MALT1: variants seen among roughly 807,000 people sequenced by gnomAD.
The protein encoded by MALT1 is MALT1 paracaspase.
MALT1 carries 36 observed loss-of-function variants against 85.5 expected under a neutral mutation model. That is an observed-to-expected ratio of 0.42 (90% CI 0.32 to 0.56). The LOEUF (loss-of-function observed/expected upper bound fraction) is 0.56, where lower values mean the gene tolerates loss of function less well. MALT1 is among the 20% of genes least tolerant of loss of function. The pLI is 0.10. For missense variants in MALT1, 716 were observed against 981.6 expected (o/e 0.73, Z 3.62); for synonymous variants, 359 against 361.3 (o/e 0.99, Z 0.07).
At chr18:58,723,348 A>G in intron 10 of MALT1, 97 bp downstream of exon 10, 1 of 847,620 alleles carries the variant, frequency 1.2e-6, no homozygotes, top group Non-Finnish European at 1.8e-6. Context: ...GATAAGGTAA[A>G]CATGTTGTTG....
intron 1 of MALT1, chr18:58,677,446 A>AT (rs1365189357): frequency 6.6e-6 from 1 of 152,148 alleles, no homozygotes; most frequent in East Asian, 1.9e-4. Flanking sequence ...CAGCATCCCT[A>AT]TTTTTACAAA....
intron 13 of MALT1, among the ~76,000 whole-genome samples, chr18:58,740,782 TATTA>T (rs911447370): frequency 5.9e-5 from 9 of 152,164 alleles, no homozygotes; most frequent in African/African-American, 2.2e-4. Context: ...AGGTTTGGCG[TATTA>T]ATTTTTATTG....
In MALT1 at chr18:58,747,764, T is replaced by C; in HGVS notation, c.2397T>C (p.Ser799=). The C allele has an allele frequency of 6.2e-7, 1 of 1,614,094 alleles. No individual in the cohort carries two copies. The highest frequency in any genetic ancestry group is 8.5e-7 in the Non-Finnish European group (1 of 1,179,930). Residue 799 remains serine, a synonymous_variant, in exon 17 of 17, where the codon AGT becomes AGC. Transcript: ENST00000649217. ...CTCACCATGCTTCATGTCATTTTAGTAGAAGTAATGTGCCAGTAGAGACAA... is the reference window on the plus strand; with the variant it reads ...CTCACCATGCTTCATGTCATTTTAGCAGAAGTAATGTGCCAGTAGAGACAA... ...SFAHHASCHF[S]RSNVPVETTD...
intron 2 of MALT1, among the ~76,000 whole-genome samples, chr18:58,695,107 T>C (rs1425351243): frequency 1.3e-5 from 2 of 152,252 alleles, no homozygotes; most frequent in Non-Finnish European, 2.9e-5. Context: ...TTCTCGTTTG[T>C]CTGCCGCCAT....
chr18:58,743,943 C>T (rs933491767), intron 14 of MALT1, among the ~76,000 whole-genome samples: 1 of 151,934 alleles, frequency 6.6e-6, no homozygotes, highest in African/African-American at 2.4e-5. Flanking sequence ...GATAGAAAAA[C>T]AATAAAACCC....
intron 4 of MALT1, among the ~76,000 whole-genome samples, chr18:58,703,788 AT>A (rs2054707827): frequency 1.3e-5 from 2 of 152,146 alleles, no homozygotes; most frequent in Non-Finnish European, 2.9e-5. Flanking sequence ...TCTCAATTTT[AT>A]TTAACTTTTT....
chr18:58,685,848 G>A (rs1325727999), intron 2 of MALT1, among the ~76,000 whole-genome samples: 1 of 152,046 alleles, frequency 6.6e-6, no homozygotes, highest in Non-Finnish European at 1.5e-5. Flanking sequence ...GCTCATCTCA[G>A]TGGGAATTGT....
intron 3 of MALT1, among the ~76,000 whole-genome samples, chr18:58,699,577 G>C (rs1380437834): frequency 6.6e-6 from 1 of 152,216 alleles, no homozygotes; most frequent in African/African-American, 2.4e-5. Flanking sequence ...TTTAGGTGCT[G>C]AAATATTTGC....
At chr18:58,712,311 A>G (rs2054841803) in intron 7 of MALT1, among the ~76,000 whole-genome samples, 1 of 152,116 alleles carries the variant, frequency 6.6e-6, no homozygotes, top group African/African-American at 2.4e-5. Flanking sequence ...CCTATTTAGC[A>G]TGGTGTCCTC....
At chr18:58,727,451 A>G (rs143282859) in intron 10 of MALT1, among the ~76,000 whole-genome samples, 24,064 of 151,936 alleles carry the variant, frequency 0.16, 2,589 homozygotes, top group African/African-American at 0.3. Context: ...TTACAGGCAC[A>G]TGCCACCAAC....
chr18:58,727,619 TTTTTTTTTG>T (rs1342273530), intron 10 of MALT1, among the ~76,000 whole-genome samples: 1 of 126,196 alleles, frequency 7.9e-6, no homozygotes. Flanking sequence ...TTTTTGTGTT[TTTTTTTTTG>T]TTTTTTTTTT....
At chr18:58,728,328 A>C (rs2055093895) in intron 10 of MALT1, among the ~76,000 whole-genome samples, 1 of 152,234 alleles carries the variant, frequency 6.6e-6, no homozygotes, top group South Asian at 2.1e-4. Flanking sequence ...GATTTGGGCC[A>C]CACACGGTGG....
At chr18:58,740,585 T>C (rs1157783222) in intron 13 of MALT1, among the ~76,000 whole-genome samples, 1 of 152,114 alleles carries the variant, frequency 6.6e-6, no homozygotes, top group African/African-American at 2.4e-5. Context: ...TTTCACTTTT[T>C]GCTTTTTATT....
intron 4 of MALT1, among the ~76,000 whole-genome samples, chr18:58,703,522 G>A (rs1274206337): frequency 6.6e-6 from 1 of 152,106 alleles, no homozygotes; most frequent in Non-Finnish European, 1.5e-5. Flanking sequence ...GAGGCCTCAG[G>A]AAACTTACAA....
At chr18:58,696,321 C>A in intron 2 of MALT1, 45 bp from the exon 3 acceptor site, 1 of 1,326,128 alleles carries the variant, frequency 7.5e-7, no homozygotes, top group Middle Eastern at 2.3e-4. Flanking sequence ...CAAGGAAAAT[C>A]CCTCTTGTGA....
At chr18:58,741,723 A>T in intron 13 of MALT1, 142 bp from the exon 14 acceptor site, 1 of 477,934 alleles carries the variant, frequency 2.1e-6, no homozygotes, top group Admixed American at 3.6e-5. Flanking sequence ...TCTGGCACAT[A>T]ATAGGTGCTC....
intron 10 of MALT1, among the ~76,000 whole-genome samples, chr18:58,731,845 C>T (rs187046784): frequency 6.6e-6 from 1 of 152,262 alleles, no homozygotes; most frequent in East Asian, 1.9e-4. Context: ...GGAACTTTGT[C>T]CTTCTTTTTT....
intron 4 of MALT1, among the ~76,000 whole-genome samples, chr18:58,708,290 C>T (rs959243680): frequency 6.6e-5 from 10 of 152,322 alleles, no homozygotes; most frequent in African/African-American, 2.4e-4. Context: ...GAGGCAGAAT[C>T]TTTTGCAGCT....
intron 4 of MALT1, among the ~76,000 whole-genome samples, chr18:58,708,254 G>C (rs1310451423): frequency 6.6e-6 from 1 of 152,236 alleles, no homozygotes; most frequent in Non-Finnish European, 1.5e-5. Context: ...CACTTGAGAA[G>C]GGCCGAAGAC....
Sources: gnomAD v4.1 joint callset for allele counts (sites outside exome capture counted in the v4.1 genomes callset) on GRCh38, gnomAD v4.1.1 for gene constraint, MANE v1.5 for transcripts, NCBI Gene and HGNC (gene_info 2026-07-23, HGNC 2026-07-21) for gene names.